XRCC4: variants seen among roughly 807,000 people sequenced by gnomAD.
XRCC4 encodes the protein X-ray repair cross complementing 4, also known as DNA repair protein XRCC4.
Under a neutral mutation model 39.1 loss-of-function variants are expected in XRCC4, and 28 were observed. That is an observed-to-expected ratio of 0.72 (90% CI 0.53 to 0.98). The LOEUF is 0.98. Among genes scored for constraint, XRCC4 ranks in the 50% least tolerant of loss-of-function variants. The pLI is 0.00. For synonymous variants in XRCC4, 123 were observed against 126.4 expected (o/e 0.97, Z 0.18); for missense variants, 350 against 376.4 (o/e 0.93, Z 0.58).
chr5:83,223,881 G>C (rs571659570), intron 6 of XRCC4, among the ~76,000 whole-genome samples: 1 of 129,602 alleles, frequency 7.7e-6, no homozygotes, highest in Non-Finnish European at 1.5e-5. Flanking sequence ...CCTTCCTGTG[G>C]TCCTTGTGAT....
chr5:83,340,377 C>T (rs1366904233), intron 7 of XRCC4, among the ~76,000 whole-genome samples: 2 of 152,030 alleles, frequency 1.3e-5, no homozygotes, highest in African/African-American at 2.4e-5. Flanking sequence ...ATTAAGGCTG[C>T]AGATGGAAAT....
rs562145407 is a variant in XRCC4 at position 83,129,905 on chromosome 5, A to G, written c.315+18702A>G. ...GGTTTTCTAAATATACAATCATGTCATCTGCAAACAGGGACAATTTGGCTT... is the reference window on the plus strand; with the variant it reads ...GGTTTTCTAAATATACAATCATGTCGTCTGCAAACAGGGACAATTTGGCTT... On this transcript the variant is annotated intron_variant, in intron 3 of 7. Coordinates refer to ENST00000396027, the MANE Select transcript of XRCC4 (RefSeq NM_003401.5). 7.5e-3 allele frequency among the ~76,000 whole-genome samples: 1,148 copies of G among 152,254 alleles called. 8 individuals are homozygous for G. Among genetic ancestry groups the G allele is most frequent in the Middle Eastern group, 0.024 (7 of 294 alleles).
chr5:83,287,048 G>A lies in XRCC4; in HGVS notation c.893+28371G>A, dbSNP rs540576551. Among the ~76,000 whole-genome samples the A allele has an allele frequency of 2.6e-5, 4 of 152,166 alleles. No homozygotes were observed. In the South Asian group the frequency reaches 6.2e-4, roughly 24 times the overall value. On this transcript the variant is annotated intron_variant, in intron 7 of 7. Transcript: ENST00000396027. ...TCTGGCCTGTGAAGGATTAAGATTC[G>A]TGTATGTTGTGTATCTAGGATTTGT...
intron 7 of XRCC4, among the ~76,000 whole-genome samples, chr5:83,332,189 G>A (rs1756456509): frequency 6.8e-6 from 1 of 147,796 alleles, no homozygotes; most frequent in South Asian, 2.2e-4. Context: ...AAAATCCTAA[G>A]CTTAAACTCT....
At chr5:83,254,954 G>A (rs1294361975) in intron 6 of XRCC4, among the ~76,000 whole-genome samples, 3 of 152,032 alleles carry the variant, frequency 2.0e-5, no homozygotes, top group African/African-American at 7.2e-5. Flanking sequence ...GGGCATGGTG[G>A]CAGGCTTCTG....
chr5:83,274,620 G>A (rs1754261931), intron 7 of XRCC4, among the ~76,000 whole-genome samples: 1 of 152,194 alleles, frequency 6.6e-6, no homozygotes. Context: ...ATAGTGATGA[G>A]GTGGTTCCTT....
intron 6 of XRCC4, among the ~76,000 whole-genome samples, chr5:83,225,267 T>C (rs1752243639): frequency 6.6e-6 from 1 of 152,100 alleles, no homozygotes; most frequent in South Asian, 2.1e-4. Flanking sequence ...TCTTAAGTTG[T>C]AGCTGTTATG....
intron 1 of XRCC4, among the ~76,000 whole-genome samples, chr5:83,086,098 C>G (rs1197021623): frequency 6.6e-6 from 1 of 152,164 alleles, no homozygotes; most frequent in Non-Finnish European, 1.5e-5. Flanking sequence ...CTTCTCCTTT[C>G]TAATGGTAGT....
At chr5:83,263,518 C>G (rs1753839575) in intron 7 of XRCC4, among the ~76,000 whole-genome samples, 1 of 150,940 alleles carries the variant, frequency 6.6e-6, no homozygotes, top group Admixed American at 6.6e-5. Context: ...TGTTTCCTGA[C>G]TTTTGAATGA....
chr5:83,348,820 T>C (rs1756996483), intron 7 of XRCC4, among the ~76,000 whole-genome samples: 1 of 152,220 alleles, frequency 6.6e-6, no homozygotes, highest in East Asian at 1.9e-4. Flanking sequence ...TAAGTTCCAA[T>C]TTCAGGTCAT....
chr5:83,348,740 T>G (rs911354179), intron 7 of XRCC4, among the ~76,000 whole-genome samples: 5 of 152,186 alleles, frequency 3.3e-5, no homozygotes, highest in Non-Finnish European at 7.4e-5. Flanking sequence ...AGAAAATGGG[T>G]TTTTCTTTTC....
At chr5:83,344,506 A>G (rs1293046794) in intron 7 of XRCC4, among the ~76,000 whole-genome samples, 3 of 149,978 alleles carry the variant, frequency 2.0e-5, no homozygotes, top group Non-Finnish European at 3.0e-5. Flanking sequence ...CTAGGCTCAA[A>G]TGATCCTCCC....
At chr5:83,091,936 A>G (rs1322616477) in intron 1 of XRCC4, among the ~76,000 whole-genome samples, 2 of 152,216 alleles carry the variant, frequency 1.3e-5, no homozygotes, top group East Asian at 1.9e-4. Context: ...AGGATCCTCC[A>G]TACTGTTTCC....
intron 2 of XRCC4, among the ~76,000 whole-genome samples, chr5:83,107,472 A>C (rs1400204458): frequency 6.6e-6 from 1 of 151,706 alleles, no homozygotes; most frequent in South Asian, 2.1e-4. Flanking sequence ...AAAGGATGTA[A>C]GTTTTCTTTT....
At chr5:83,228,789 A>G (rs1021852878) in intron 6 of XRCC4, among the ~76,000 whole-genome samples, 1 of 152,100 alleles carries the variant, frequency 6.6e-6, no homozygotes, top group African/African-American at 2.4e-5. Flanking sequence ...TCACTTTACC[A>G]GTTTTGGCAA....
intron 7 of XRCC4, among the ~76,000 whole-genome samples, chr5:83,336,825 A>G (rs1756608686): frequency 6.6e-6 from 1 of 152,168 alleles, no homozygotes; most frequent in South Asian, 2.1e-4. Flanking sequence ...CAATCATTCC[A>G]GTAGGGTGGG....
At position 83,263,786 on chromosome 5, in the gene XRCC4, T is replaced by G. The variant is rs565139847; in HGVS notation, c.893+5109T>G. On this transcript the variant is annotated intron_variant, in intron 7 of 7. Transcript: ENST00000396027. ...GTAGGTTGCGAAAATTTTCTCCCAT[T>G]TTGTAGGTTGCCTGTTCACTCTGAT... 3.2e-3 allele frequency among the ~76,000 whole-genome samples: 488 copies of G among 151,336 alleles called. 4 individuals are homozygous for G. The highest frequency in any genetic ancestry group is 0.011 in the African/African-American group (444 of 41,274).
chr5:83,129,033 G>A (rs1315325829), intron 3 of XRCC4, among the ~76,000 whole-genome samples: 3 of 152,086 alleles, frequency 2.0e-5, no homozygotes, highest in Non-Finnish European at 4.4e-5. Flanking sequence ...TAGTGTTTTA[G>A]TCATGAAGTC....
chr5:83,168,710 A>G (rs1749595231), intron 3 of XRCC4, among the ~76,000 whole-genome samples: 1 of 152,234 alleles, frequency 6.6e-6, no homozygotes, highest in Non-Finnish European at 1.5e-5. Context: ...CCTCACAAAT[A>G]TCAAGCACAC....
Sources: allele counts gnomAD v4.1 joint callset (sites outside exome capture counted in the v4.1 genomes callset), GRCh38; gene constraint gnomAD v4.1.1; transcripts MANE v1.5; gene names NCBI Gene and HGNC (gene_info 2026-07-23, HGNC 2026-07-21).